The following CNTN5 variants were observed in gnomAD, a reference collection of about 807,000 sequenced individuals.
CNTN5 encodes the protein contactin-5.
In CNTN5, 77 loss-of-function variants were observed where a neutral mutation model predicts 129.1. The ratio of observed to expected loss-of-function variants is 0.60; its 90% CI spans 0.50 to 0.72. The LOEUF (loss-of-function observed/expected upper bound fraction) is 0.72. Ranked by LOEUF, CNTN5 falls within the 30% of genes least tolerant of loss-of-function variation. CNTN5 has a pLI of 0.00. For missense variants in CNTN5, 1,478 were observed against 1,328.8 expected (o/e 1.11, Z -1.75); for synonymous variants, 509 against 465.6 (o/e 1.09, Z -1.20).
At chr11:100,070,060 C>G (rs568893881) in intron 10 of CNTN5, among the ~76,000 whole-genome samples, 1 of 151,436 alleles carries the variant, frequency 6.6e-6, no homozygotes, top group Non-Finnish European at 1.5e-5. Context: ...TATTTCTACC[C>G]GTGCTAATGC....
At chr11:99,334,603 A>G (rs1266794685) in intron 2 of CNTN5, among the ~76,000 whole-genome samples, 1 of 152,086 alleles carries the variant, frequency 6.6e-6, no homozygotes, top group African/African-American at 2.4e-5. Context: ...ATTGTTAATT[A>G]AGTTTGTACT....
rs1206284605 is a variant in CNTN5 at position 100,255,841 on chromosome 11, A to T, written c.2087A>T (p.Asp696Val). ...TATLSWSPAA[D>V]NHSPISSYNL... ...ACACTGTCCTGGAGCCCAGCAGCTG[A>T]CAACCACAGCCCAATCTCCTCCTAC... The change falls in exon 17 of 25, where the codon GAC (aspartate) becomes GTC (valine). Residue 696 changes from aspartate (D) to valine (V), a missense_variant. Asp to Val is a radical substitution (Grantham distance 152). Transcript: ENST00000524871. The T allele has an allele frequency of 6.2e-7, 1 of 1,613,932 alleles. No individual in the cohort carries two copies. Among genetic ancestry groups the T allele is most frequent in the East Asian group, 2.2e-5 (1 of 44,858 alleles).
intron 6 of CNTN5, among the ~76,000 whole-genome samples, chr11:99,909,739 C>T (rs1200902193): frequency 1.3e-5 from 2 of 151,756 alleles, no homozygotes; most frequent in Non-Finnish European, 2.9e-5. Context: ...CATGTTCTCA[C>T]TCATAGGTGG....
chr11:99,520,519 A>AG (rs1382193972), intron 2 of CNTN5, among the ~76,000 whole-genome samples: 1 of 152,264 alleles, frequency 6.6e-6, no homozygotes, highest in African/African-American at 2.4e-5. Flanking sequence ...AAAAGAATTA[A>AG]GCAGCATTTG....
intron 3 of CNTN5, among the ~76,000 whole-genome samples, chr11:99,817,706 A>G (rs1373705958): frequency 2.6e-5 from 4 of 151,554 alleles, no homozygotes; most frequent in African/African-American, 9.7e-5. Context: ...CTACAACTAC[A>G]AACTACCTTA....
chr11:99,197,549 C>T (rs1479654772), intron 1 of CNTN5, among the ~76,000 whole-genome samples: 1 of 152,020 alleles, frequency 6.6e-6, no homozygotes, highest in East Asian at 1.9e-4. Flanking sequence ...TTTCCCACTC[C>T]TTTTCTTCAG....
At chr11:99,296,430 T>A (rs1351899482) in intron 1 of CNTN5, among the ~76,000 whole-genome samples, 1 of 152,222 alleles carries the variant, frequency 6.6e-6, no homozygotes, top group Admixed American at 6.5e-5. Context: ...ATAAAAAAGC[T>A]TTCTTTACCT....
intron 3 of CNTN5, among the ~76,000 whole-genome samples, chr11:99,659,702 C>G (rs911374722): frequency 6.6e-6 from 1 of 152,052 alleles, no homozygotes; most frequent in African/African-American, 2.4e-5. Context: ...TATCTTAAGG[C>G]CCTCATAGAC....
intron 1 of CNTN5, among the ~76,000 whole-genome samples, chr11:99,249,257 G>T (rs1248767459): frequency 6.6e-6 from 1 of 151,940 alleles, no homozygotes; most frequent in Non-Finnish European, 1.5e-5. Flanking sequence ...TCATGATTTG[G>T]CTCTCTGTTT....
intron 3 of CNTN5, among the ~76,000 whole-genome samples, chr11:99,756,474 A>C (rs1035147713): frequency 6.6e-6 from 1 of 152,126 alleles, no homozygotes; most frequent in African/African-American, 2.4e-5. Flanking sequence ...AAGAAGTTTC[A>C]GGAAAGGTAG....
intron 3 of CNTN5, among the ~76,000 whole-genome samples, chr11:99,589,746 T>C (rs959399466): frequency 6.6e-6 from 1 of 152,190 alleles, no homozygotes; most frequent in Non-Finnish European, 1.5e-5. Context: ...CTATTATCAG[T>C]CAAGTGTACA....
rs1440777798 is a variant in CNTN5 at position 100,224,615 on chromosome 11, T to C, written c.1885-77T>C. 3.4e-6 allele frequency: 5 copies of C among 1,457,558 alleles called. No individual in the cohort carries two copies. In the African/African-American group the frequency reaches 6.9e-5, roughly 20 times the overall value. 90.3% of individuals were successfully genotyped at this position (1,457,558 alleles called of 1,614,324 possible). On this transcript the variant is annotated intron_variant, in intron 15 of 24. Transcript: ENST00000524871. ...CAAAAATGGGCCCTTTTACTGAATATGCAAAGTTCCCCCTTAAGCCACCTT... is the reference window on the plus strand; with the variant it reads ...CAAAAATGGGCCCTTTTACTGAATACGCAAAGTTCCCCCTTAAGCCACCTT...
At chr11:99,736,980 C>T (rs1201485111) in intron 3 of CNTN5, among the ~76,000 whole-genome samples, 2 of 152,086 alleles carry the variant, frequency 1.3e-5, no homozygotes, top group Non-Finnish European at 2.9e-5. Context: ...AATTAAACAG[C>T]AGTGTTCCCA....
At chr11:99,462,230 A>G (rs1026219579) in intron 2 of CNTN5, among the ~76,000 whole-genome samples, 5 of 152,202 alleles carry the variant, frequency 3.3e-5, no homozygotes, top group Non-Finnish European at 7.3e-5. Flanking sequence ...CATTGAAATT[A>G]GGGGAATTGA....
intron 21 of CNTN5, chr11:100,309,247 C>T: frequency 1.0e-6 from 1 of 984,452 alleles, no homozygotes; most frequent in African/African-American, 1.7e-5. Context: ...TGCTTCAGTT[C>T]CCATTAAGAG....
chr11:100,286,185 G>A (rs1231928956), intron 18 of CNTN5, among the ~76,000 whole-genome samples: 6 of 151,884 alleles, frequency 4.0e-5, no homozygotes, highest in African/African-American at 9.7e-5. Flanking sequence ...GGGGAGGGGC[G>A]CCCGCCATTG....
At chr11:100,150,840 C>A (rs1329105878) in intron 13 of CNTN5, among the ~76,000 whole-genome samples, 3 of 152,028 alleles carry the variant, frequency 2.0e-5, no homozygotes, top group Non-Finnish European at 4.4e-5. Flanking sequence ...TGAACACTTA[C>A]CCCCTAATGT....
intron 18 of CNTN5, among the ~76,000 whole-genome samples, chr11:100,291,825 A>G (rs1017376123): frequency 6.6e-6 from 1 of 150,784 alleles, no homozygotes. Flanking sequence ...AAAAGGAAAA[A>G]TATTTTTTCT....
At chr11:99,874,579 T>C (rs1029303650) in intron 6 of CNTN5, among the ~76,000 whole-genome samples, 3 of 152,206 alleles carry the variant, frequency 2.0e-5, no homozygotes, top group African/African-American at 7.2e-5. Flanking sequence ...GTTGGTGATA[T>C]TCTAATCTAT....
Sources: allele counts gnomAD v4.1 joint callset (sites outside exome capture counted in the v4.1 genomes callset), GRCh38; gene constraint gnomAD v4.1.1; transcripts MANE v1.5; gene names NCBI Gene and HGNC (gene_info 2026-07-23, HGNC 2026-07-21).